Variants in ROGDI observed in about 807,000 individuals in gnomAD.
ROGDI encodes the protein protein rogdi homolog.
In ROGDI, 46 loss-of-function variants were observed where a neutral mutation model predicts 43.1. The ratio of observed to expected loss-of-function variants is 1.07; its 90% CI spans 0.84 to 1.37. The LOEUF is 1.37. Ranked by LOEUF, ROGDI falls within the 40% of genes most tolerant of loss-of-function variation. The pLI is 0.00. For missense variants in ROGDI, 518 were observed against 383.9 expected, an observed-to-expected ratio of 1.35 and a Z score of -2.92; for synonymous variants, 243 against 162.0, an observed-to-expected ratio of 1.50 and a Z score of -3.80.
intron 3 of ROGDI, 22 bp downstream of exon 3, chr16:4,801,481 T>G: frequency 6.3e-7 from 1 of 1,592,930 alleles, no homozygotes. Context: ...ATTTCCCCGG[T>G]TTCCGCCTAG....
chr16:4,798,503 C>A, intron 7 of ROGDI, 66 bp downstream of exon 7: 2 of 1,312,186 alleles, frequency 1.5e-6, no homozygotes. Context: ...CGCGTCCATC[C>A]TGAGGGCAAG....
rs958993433 is a variant in ROGDI at position 4,800,527 on chromosome 16, G to A, written c.307C>T (p.Arg103Trp). The A allele has an allele frequency of 7.0e-6, 11 of 1,562,352 alleles. No individual in the cohort carries two copies. The highest frequency in any genetic ancestry group is 2.4e-5 in the South Asian group (2 of 84,904). Residue 103 changes from arginine to tryptophan, a missense_variant, in exon 5 of 11, where the codon CGG becomes TGG. By Grantham distance (101) the Arg-to-Trp change is moderately radical. Coordinates refer to ENST00000322048, the MANE Select transcript of ROGDI (RefSeq NM_024589.3). ...TGCAGCTTCCACTGCTTGTCCTCCC[G>A]GAAGGCGAAGTGCAGCAGCTGGTTG... The part of the protein sequence containing the change: ...RNNQLLHFAF[R>W]EDKQWKLQQI...
intron 7 of ROGDI, 129 bp downstream of exon 7, chr16:4,798,440 A>G: frequency 2.4e-6 from 2 of 829,546 alleles, no homozygotes; most frequent in Non-Finnish European, 1.8e-6. Context: ...ACCCCATCCC[A>G]GAAACCTGCC....
intron 5 of ROGDI, among the ~76,000 whole-genome samples, chr16:4,800,078 G>T (rs2141909845): frequency 6.6e-6 from 1 of 152,314 alleles, no homozygotes; most frequent in East Asian, 1.9e-4. Flanking sequence ...GGGCAAGGGT[G>T]CTGAGATGGA....
intron 6 of ROGDI, among the ~76,000 whole-genome samples, chr16:4,799,250 G>A (rs2082689908): frequency 6.6e-6 from 1 of 152,044 alleles, no homozygotes; most frequent in Non-Finnish European, 1.5e-5. Context: ...AGGGCCTGTA[G>A]CACCCTAGGG....
At chr16:4,801,379 C>T in intron 3 of ROGDI, 58 bp from the exon 4 acceptor site, 7 of 1,578,668 alleles carry the variant, frequency 4.4e-6, no homozygotes, top group South Asian at 1.1e-5. Flanking sequence ...CCCAGCCCTC[C>T]CTCCCGGCGG....
chr16:4,799,341 A>C (rs2082690708), intron 6 of ROGDI, among the ~76,000 whole-genome samples: 2 of 152,082 alleles, frequency 1.3e-5, no homozygotes, highest in African/African-American at 4.8e-5. Flanking sequence ...CAGGTGAACC[A>C]CCGGAGGACA....
chr16:4,797,599 T>G (rs1253512006), intron 10 of ROGDI, 98 bp from the exon 11 acceptor site: 1 of 516,046 alleles, frequency 1.9e-6, no homozygotes, highest in Admixed American at 7.3e-5. Flanking sequence ...GGACAGGGCA[T>G]TGCTGCCTCG....
chr16:4,797,689 A>C, intron 10 of ROGDI, 25 bp downstream of exon 10: 6 of 1,164,230 alleles, frequency 5.2e-6, no homozygotes, highest in Non-Finnish European at 6.5e-6. Context: ...CCTTCCCCTA[A>C]TGAAGGCGCT....
chr16:4,802,188 G>A (rs539721324), intron 2 of ROGDI, 194 bp downstream of exon 2: 3 of 657,904 alleles, frequency 4.6e-6, no homozygotes, highest in East Asian at 2.9e-5. Context: ...ACCCTCGTCG[G>A]GACCCGCCCC....
Position 4,798,169 on chromosome 16 carries a change from C to G in ROGDI, c.547G>C (p.Ala183Pro), listed in dbSNP as rs764170154. 1 of 1,613,734 alleles carries G rather than the reference C, an allele frequency of 6.2e-7. No homozygotes were observed. The highest frequency in any genetic ancestry group is 8.5e-7 in the Non-Finnish European group (1 of 1,179,848). Residue 183 changes from alanine (A) to proline (P), a missense_variant, in exon 8 of 11, where the codon GCC becomes CCC. Physicochemically the swap from Ala to Pro is conservative, Grantham distance 27. Coordinates refer to ENST00000322048, the MANE Select transcript of ROGDI (RefSeq NM_024589.3). ...TTGACCAGCAGGTCGGACGGCAGGGCAGGGGCGAACATCCGCTGCGGGAGG... is the reference window on the plus strand; with the variant it reads ...TTGACCAGCAGGTCGGACGGCAGGGGAGGGGCGAACATCCGCTGCGGGAGG... ...ASGLTRMFAP[A>P]LPSDLLVNVY... is the part of the protein sequence containing the mutation.
chr16:4,800,913 G>GCCTCCCC, intron 4 of ROGDI: 1 of 501,434 alleles, frequency 2.0e-6, no homozygotes, highest in Non-Finnish European at 3.5e-6. Context: ...CAGGAGGGGG[G>GCCTCCCC]CCTCCCCCCA....
rs1186935359 is a variant in ROGDI, at chr16:4,801,309, C to T, written c.213G>A (p.Val71=). 1.2e-6 allele frequency: 2 copies of T among 1,609,154 alleles called. No homozygotes were observed. Among genetic ancestry groups the T allele is most frequent in the South Asian group, 1.1e-5 (1 of 90,686 alleles). ...FILGSCGTDQ[V]KGVLTLQGDA... Reference sequence around the variant, plus strand: ...CCCCCTGCAGAGTCAGCACACCCTTCACCTGGTCTGTGCTGTAACATGTGG... The same window carrying T: ...CCCCCTGCAGAGTCAGCACACCCTTTACCTGGTCTGTGCTGTAACATGTGG... The change falls in exon 4 of 11, where the codon GTG becomes GTA. Residue 71 remains valine (V), a synonymous_variant. Coordinates refer to ENST00000322048, the MANE Select transcript of ROGDI (RefSeq NM_024589.3).
rs1018633590 is a variant in ROGDI, at chr16:4,796,984, T to C, written c.*476A>G. On this transcript the variant is annotated 3_prime_UTR_variant, in exon 11 of 11. Transcript: ENST00000322048. ...GGCTCCAGGTGGAGTCTGATGATCT[T>C]TATTTCTTAGACAGCCCTGGACTGG... The C allele has an allele frequency of 6.4e-6, 1 of 156,094 alleles. No individual in the cohort carries two copies. Among genetic ancestry groups the C allele is most frequent in the African/African-American group, 2.4e-5 (1 of 41,450 alleles). 9.7% of individuals were successfully genotyped at this position (156,094 alleles called of 1,614,324 possible). A position where few individuals can be genotyped will look rare whatever the true frequency, so the allele number is the denominator to read the frequency against.
In ROGDI at chr16:4,797,710, C is replaced by T. The variant is rs1212496660; in HGVS notation, c.822+4G>A. ...CCTAATGAAGGCGCTCGGCCCGGGC[C>T]CACCTTGTCCTTGAGCTGCTGGCAG... On this transcript the variant is annotated splice_donor_region_variant and intron_variant, in intron 10 of 10. Coordinates refer to ENST00000322048, the MANE Select transcript of ROGDI (RefSeq NM_024589.3). 3 of 1,234,218 alleles carry T rather than the reference C, an allele frequency of 2.4e-6. No homozygotes were observed. The allele number at this position is 1,234,218 out of a possible 1,614,324, so 76.5% of individuals were successfully genotyped here.
chr16:4,802,029 GA>G, intron 2 of ROGDI: 3 of 583,824 alleles, frequency 5.1e-6, no homozygotes, highest in East Asian at 3.9e-5. Context: ...TTGCCAATGA[GA>G]AAAGGGAGGC....
At chr16:4,798,891 G>A (rs2082686532) in intron 6 of ROGDI, 2 of 553,270 alleles carry the variant, frequency 3.6e-6, no homozygotes, top group Non-Finnish European at 6.3e-6. Flanking sequence ...CTGATTCACT[G>A]CACGGGGATC....
At position 4,797,822 on chromosome 16, in the gene ROGDI, G is replaced by C. The variant is rs767322805; in HGVS notation, c.714C>G (p.Arg238=). The change falls in exon 10 of 11, where the codon CGC becomes CGG. Residue 238 remains arginine (R), a synonymous_variant. Coordinates refer to ENST00000322048, the MANE Select transcript of ROGDI (RefSeq NM_024589.3). ...CTTTGTGCACGTGGCTCACCTCCAG[G>C]CGCTGAGAGCCCCACTCGCTGTGGG... ...PGAMFEWGSQ[R]LEVSHVHKVE... is the part of the protein sequence containing the mutation. 6.2e-7 allele frequency: 1 copy of C among 1,612,182 alleles called. No individual in the cohort carries two copies. The highest frequency in any genetic ancestry group is 1.7e-5 in the Admixed American group (1 of 60,012).
chr16:4,800,410 G>C, intron 5 of ROGDI, 88 bp downstream of exon 5: 1 of 1,058,664 alleles, frequency 9.4e-7, no homozygotes, highest in South Asian at 1.4e-5. Context: ...CAGATCCCCA[G>C]GGCTAGTCCC....
Sources: allele counts gnomAD v4.1 joint callset (sites outside exome capture counted in the v4.1 genomes callset), GRCh38; gene constraint gnomAD v4.1.1; transcripts MANE v1.5; gene names NCBI Gene and HGNC (gene_info 2026-07-23, HGNC 2026-07-21).